Variants in DCST2 observed in about 807,000 individuals in gnomAD.
The protein encoded by DCST2 is DC-STAMP domain-containing protein 2.
A neutral mutation model predicts 81.8 loss-of-function variants in DCST2; 64 were observed. The ratio of observed to expected loss-of-function variants is 0.78; its 90% CI spans 0.64 to 0.96. The LOEUF is 0.96. Among genes scored for constraint, DCST2 ranks in the 40% least tolerant of loss-of-function variants. The pLI is 0.00. For synonymous variants in DCST2, 354 were observed against 402.6 expected (o/e 0.88, Z 1.44); for missense variants, 945 against 1,001.4 (o/e 0.94, Z 0.76).
chr1:155,033,064 G>A (rs1188132264), intron 2 of DCST2, 30 bp downstream of exon 2: 3 of 1,518,276 alleles, frequency 2.0e-6, no homozygotes, highest in Non-Finnish European at 2.6e-6. Context: ...GGGGGCCCGT[G>A]GGAGACAGTG....
chr1:155,019,317 C>T (rs565083172), intron 14 of DCST2, among the ~76,000 whole-genome samples: 3 of 152,350 alleles, frequency 2.0e-5, no homozygotes, highest in Admixed American at 6.5e-5. Flanking sequence ...GCCTGCCAGA[C>T]ACCTGCCACA....
chr1:155,031,261 G>A (rs200104644), intron 4 of DCST2, 27 bp from the exon 5 acceptor site: 76 of 1,550,062 alleles, frequency 4.9e-5, no homozygotes, highest in Admixed American at 4.1e-5. Flanking sequence ...GCTGAGTGTC[G>A]GAAGGAGGGG....
In DCST2 at chr1:155,023,364, A is replaced by G. The variant is rs1351522512; in HGVS notation, c.1964T>C (p.Leu655Pro). Reference sequence around the variant, plus strand: ...CACCCCATGTCACTGAAAGACTCACAGCTCCAGGTCCAGGTCCCCCTGGTA... The same window carrying G: ...CACCCCATGTCACTGAAAGACTCACGGCTCCAGGTCCAGGTCCCCCTGGTA... ...LSYQGDLDLELDSSDEEGPQL... is the reference protein window; with the variant it reads ...LSYQGDLDLEPDSSDEEGPQL... The change falls in exon 13 of 15, where the codon CTG becomes CCG. Residue 655 changes from leucine to proline, a missense_variant and splice_region_variant. Transcript: ENST00000368424. 3.1e-6 allele frequency: 5 copies of G among 1,609,236 alleles called. No homozygotes were observed. Among genetic ancestry groups the G allele is most frequent in the Non-Finnish European group, 4.2e-6 (5 of 1,177,734 alleles).
At chr1:155,026,224 C>T (rs1337770411) in intron 10 of DCST2, 78 bp downstream of exon 10, 13 of 1,461,266 alleles carry the variant, frequency 8.9e-6, no homozygotes, top group Non-Finnish European at 1.1e-5. Context: ...AGTCAGCTCC[C>T]AAAGCCAAAA....
At chr1:155,028,542 C>G (rs964653681) in intron 8 of DCST2, among the ~76,000 whole-genome samples, 1 of 151,258 alleles carries the variant, frequency 6.6e-6, no homozygotes, top group African/African-American at 2.4e-5. Context: ...CAAGATTGCA[C>G]CACTGCACTC....
At chr1:155,030,770 T>C (rs1197549676) in intron 5 of DCST2, 125 bp from the exon 6 acceptor site, 1 of 1,013,552 alleles carries the variant, frequency 9.9e-7, no homozygotes. Context: ...AACCCCCCAG[T>C]GCTTGGGTCA....
intron 8 of DCST2, among the ~76,000 whole-genome samples, chr1:155,027,248 G>A (rs1184118308): frequency 1.4e-5 from 2 of 143,368 alleles, no homozygotes; most frequent in Non-Finnish European, 3.0e-5. Flanking sequence ...CACCATGCTG[G>A]CCAGGCTGGT....
At chr1:155,019,982 C>T (rs1659702734) in intron 14 of DCST2, among the ~76,000 whole-genome samples, 1 of 152,200 alleles carries the variant, frequency 6.6e-6, no homozygotes, top group Non-Finnish European at 1.5e-5. Flanking sequence ...GGTGCTCTTG[C>T]CTCCTACTCC....
Position 155,031,515 on chromosome 1 carries a change from T to TTGCCCCCC in DCST2, c.739+58_739+59insGGGGGGCA. The TTGCCCCCC allele has an allele frequency of 7.5e-5, 48 of 643,120 alleles. 2 individuals carry two copies. The highest frequency in any genetic ancestry group is 1.2e-4 in the Non-Finnish European group (42 of 343,052). 39.8% of individuals were successfully genotyped at this position (643,120 alleles called of 1,614,324 possible). A position where few individuals can be genotyped will look rare whatever the true frequency, so the allele number is the denominator to read the frequency against. Reference sequence around the variant, plus strand: ...CTGCCCTCCCAACTGACCCCCACATTCCCACCCCACCCCACCCCACATCGG... The same window carrying TTGCCCCCC: ...CTGCCCTCCCAACTGACCCCCACATTTGCCCCCCCCCACCCCACCCCACCCCACATCGG... On this transcript the variant is annotated intron_variant, in intron 4 of 14. Coordinates refer to ENST00000368424, the MANE Select transcript of DCST2 (RefSeq NM_144622.3).
chr1:155,031,515 T>TTCCCCCCCCCCCCCCCCCCCC, intron 4 of DCST2, 59 bp downstream of exon 4: 2 of 643,126 alleles, frequency 3.1e-6, no homozygotes, highest in East Asian at 3.4e-5. Context: ...ACCCCCACAT[T>TTCCCCCCCCCCCCCCCCCCCC]CCCACCCCAC....
At position 155,031,767 on chromosome 1, in the gene DCST2, C is replaced by T; in HGVS notation, c.546G>A (p.Arg182=). 6.2e-7 allele frequency: 1 copy of T among 1,613,756 alleles called. No homozygotes were observed. Among genetic ancestry groups the T allele is most frequent in the Non-Finnish European group, 8.5e-7 (1 of 1,180,006 alleles). Residue 182 remains arginine (R), a synonymous_variant, in exon 4 of 15, where the codon AGG becomes AGA. Coordinates refer to ENST00000368424, the MANE Select transcript of DCST2 (RefSeq NM_144622.3). ...GCCACTGCCACACATTCCGGAGAGCCCTGGCTGGGGACAGCTGCAGGGTTG... is the reference window on the plus strand; with the variant it reads ...GCCACTGCCACACATTCCGGAGAGCTCTGGCTGGGGACAGCTGCAGGGTTG... ...SIMDGVKHIA[R]ALRNVWQWLL...
rs1429881418 is a variant in DCST2, at chr1:155,023,037, C to G, written c.2105+80G>C. The G allele has an allele frequency of 2.8e-5, 43 of 1,539,638 alleles. No individual in the cohort carries two copies. In the South Asian group the frequency reaches 5.0e-4, roughly 18 times the overall value. On this transcript the variant is annotated intron_variant, in intron 14 of 14. Coordinates refer to ENST00000368424, the MANE Select transcript of DCST2 (RefSeq NM_144622.3). ...TCAAGCCCTGGCAAAGGTCCAGACACCCAGGAAGGCCTTTGCAAATGGAAC... is the reference window on the plus strand; with the variant it reads ...TCAAGCCCTGGCAAAGGTCCAGACAGCCAGGAAGGCCTTTGCAAATGGAAC...
intron 3 of DCST2, among the ~76,000 whole-genome samples, chr1:155,032,435 G>C (rs1660122535): frequency 6.6e-6 from 1 of 152,022 alleles, no homozygotes; most frequent in Non-Finnish European, 1.5e-5. Flanking sequence ...CCAGTAGCTG[G>C]GACTACAGAC....
At position 155,020,771 on chromosome 1, in the gene DCST2, TC is replaced by T. The variant is rs558458685; in HGVS notation, c.2106-2012del. Among the ~76,000 whole-genome samples, 425 of 152,132 alleles carry T rather than the reference TC, an allele frequency of 2.8e-3. 2 individuals are homozygous for T. The highest frequency in any genetic ancestry group is 4.8e-3 in the Admixed American group (73 of 15,270). On this transcript the variant is annotated intron_variant, in intron 14 of 14. Coordinates refer to ENST00000368424, the MANE Select transcript of DCST2 (RefSeq NM_144622.3). ...ATTCCCACAAGCTACTCCAGTGATG[TC>T]TTAACTGCCTGTCACCTGTCTTCAC...
At chr1:155,028,716 T>C (rs1005948673) in intron 8 of DCST2, among the ~76,000 whole-genome samples, 1 of 141,028 alleles carries the variant, frequency 7.1e-6, no homozygotes, top group Non-Finnish European at 1.5e-5. Context: ...CTACTAAAAA[T>C]ACAAAAATAA....
chr1:155,018,791 C>T (rs1341698321), intron 14 of DCST2, 31 bp from the exon 15 acceptor site: 1 of 1,597,010 alleles, frequency 6.3e-7, no homozygotes, highest in Non-Finnish European at 8.5e-7. Context: ...GTGGCCGGAT[C>T]ACCCACCTTC....
At chr1:155,021,526 A>G (rs1188253728) in intron 14 of DCST2, among the ~76,000 whole-genome samples, 1 of 150,676 alleles carries the variant, frequency 6.6e-6, no homozygotes, top group Non-Finnish European at 1.5e-5. Context: ...GCCCTCTGCC[A>G]GGATGATCTA....
intron 6 of DCST2, 55 bp downstream of exon 6, chr1:155,030,377 C>T (rs559776184): frequency 1.2e-6 from 2 of 1,601,146 alleles, no homozygotes; most frequent in East Asian, 2.2e-5. Flanking sequence ...CTCCCTGCAG[C>T]CCTGGCCCTG....
intron 4 of DCST2, 61 bp downstream of exon 4, chr1:155,031,513 A>ATT: frequency 1.4e-6 from 1 of 709,772 alleles, no homozygotes. Flanking sequence ...TGACCCCCAC[A>ATT]TTCCCACCCC....
Sources: allele counts gnomAD v4.1 joint callset (sites outside exome capture counted in the v4.1 genomes callset), GRCh38; gene constraint gnomAD v4.1.1; transcripts MANE v1.5; gene names NCBI Gene and HGNC (gene_info 2026-07-23, HGNC 2026-07-21).